The following MICAL2 variants were observed in gnomAD, a reference collection of about 807,000 sequenced individuals.
MICAL2 encodes [F-actin]-monooxygenase MICAL2.
A neutral mutation model predicts 127.3 loss-of-function variants in MICAL2; 77 were observed. The observed-to-expected ratio is 0.60, with a 90% CI of 0.50 to 0.73. The LOEUF is 0.73. Ranked by LOEUF, MICAL2 falls within the 30% of genes least tolerant of loss-of-function variation. MICAL2 has a pLI of 0.00. For synonymous variants in MICAL2, 570 were observed against 551.1 expected, an observed-to-expected ratio of 1.03 and a Z score of -0.48; for missense variants, 1,351 against 1,434.4, an observed-to-expected ratio of 0.94 and a Z score of 0.94.
intron 21 of MICAL2, among the ~76,000 whole-genome samples, chr11:12,247,207 T>C (rs1860875730): frequency 1.3e-5 from 2 of 152,208 alleles, no homozygotes; most frequent in South Asian, 4.1e-4. Flanking sequence ...GCTGTGTGCA[T>C]GTAAACCCTC....
intron 3 of MICAL2, among the ~76,000 whole-genome samples, chr11:12,195,164 G>T (rs1334629508): frequency 6.6e-6 from 1 of 152,114 alleles, no homozygotes; most frequent in East Asian, 1.9e-4. Context: ...GGTTGAGGTG[G>T]GAGGATCACT....
chr11:12,287,732 C>T (rs527568899), downstream of MICAL2, among the ~76,000 whole-genome samples: 101 of 152,298 alleles, frequency 6.6e-4, no homozygotes, highest in Non-Finnish European at 9.7e-4. Context: ...GGTGCTGAGG[C>T]GGCAGGCCCT....
At chr11:12,120,108 G>A (rs1187174974) in intron 1 of MICAL2, among the ~76,000 whole-genome samples, 2 of 152,144 alleles carry the variant, frequency 1.3e-5, no homozygotes, top group African/African-American at 4.8e-5. Flanking sequence ...AGCACTGGCT[G>A]GTCTCAGTCC....
chr11:12,323,682 A>C (rs1171097383), intron 30 of MICAL2, among the ~76,000 whole-genome samples: 2 of 152,226 alleles, frequency 1.3e-5, no homozygotes, highest in Non-Finnish European at 2.9e-5. Context: ...ACATGTGGCT[A>C]CTTAAGTTTA....
chr11:12,215,708 C>T (rs1466178969), intron 7 of MICAL2, among the ~76,000 whole-genome samples: 1 of 152,230 alleles, frequency 6.6e-6, no homozygotes, highest in Non-Finnish European at 1.5e-5. Context: ...ACAGCCCAGC[C>T]TTCTAACCTG....
chr11:12,190,207 G>A, intron 3 of MICAL2, among the ~76,000 whole-genome samples: 1 of 152,086 alleles, frequency 6.6e-6, no homozygotes, highest in East Asian at 1.9e-4. Context: ...GGGGCTCGCT[G>A]TTCTCTTACT....
Position 12,259,893 on chromosome 11 carries a change from C to A in MICAL2, c.3330C>A (p.Pro1110=). The stretch of plus-strand genomic sequence containing the variant: ...CCATTGGCACCCTGGAAGGCAGCCC[C>A]CCAGGTATCTCCACCTCCTTCTTTA... ...VAAIGTLEGS[P]PVHFSLPVLH... is the part of the protein sequence containing the mutation. Residue 1110 remains proline, a synonymous_variant, in exon 26 of 28, where the codon CCC becomes CCA. Transcript: ENST00000683283. 1 of 1,613,264 alleles carries A rather than the reference C, an allele frequency of 6.2e-7. No individual in the cohort carries two copies. Among genetic ancestry groups the A allele is most frequent in the Non-Finnish European group, 8.5e-7 (1 of 1,179,484 alleles).
At chr11:12,277,237 T>C (rs2172632) in intron 1 of MICAL2, among the ~76,000 whole-genome samples, 9,170 of 151,770 alleles carry the variant, frequency 0.06, 974 homozygotes, top group African/African-American at 0.21. Flanking sequence ...CAACTGGCAG[T>C]CCAGGCTTGT....
At chr11:12,337,653 G>A (rs948869306) in intron 32 of MICAL2, among the ~76,000 whole-genome samples, 141 of 151,970 alleles carry the variant, frequency 9.3e-4, no homozygotes, top group African/African-American at 3.2e-3. Context: ...GGTATGTTGT[G>A]TCTTTGTTCT....
intron 17 of MICAL2, 42 bp from the exon 18 acceptor site, chr11:12,240,998 T>C (rs1859846864): frequency 1.2e-6 from 2 of 1,606,220 alleles, no homozygotes; most frequent in Admixed American, 3.4e-5. Context: ...TTCCTTCATG[T>C]CTCCTGTGGC....
At chr11:12,275,139 G>T (rs575271535), upstream of MICAL2, among the ~76,000 whole-genome samples, 25 of 152,334 alleles carry the variant, frequency 1.6e-4, no homozygotes, top group Admixed American at 1.4e-3. Context: ...GTTGGCTGGA[G>T]CAACAGGAAG....
At chr11:12,210,550 T>G in intron 6 of MICAL2, among the ~76,000 whole-genome samples, 1 of 152,170 alleles carries the variant, frequency 6.6e-6, no homozygotes, top group Non-Finnish European at 1.5e-5. Context: ...TGCCACTCCC[T>G]TTTCCCTTTC....
At chr11:12,167,897 T>C (rs941009218) in intron 3 of MICAL2, among the ~76,000 whole-genome samples, 1 of 152,226 alleles carries the variant, frequency 6.6e-6, no homozygotes, top group Non-Finnish European at 1.5e-5. Context: ...CAATGTCATA[T>C]GGAGAAGAAA....
chr11:12,222,761 GC>G lies in MICAL2; in HGVS notation c.1449+19del, dbSNP rs1409016116. On this transcript the variant is annotated intron_variant, in intron 11 of 27. Coordinates refer to ENST00000683283, the MANE Select transcript of MICAL2 (RefSeq NM_001282663.2). ...CCCATCAGGCAAGTCCATTGCTGGG[GC>G]TCTGTCTGAATCACTCTGCACTGAA... 1 of 1,613,930 alleles carries G rather than the reference GC, an allele frequency of 6.2e-7. No homozygotes were observed. Among genetic ancestry groups the G allele is most frequent in the East Asian group, 2.2e-5 (1 of 44,868 alleles).
At chr11:12,240,131 T>C (rs1590569343) in intron 17 of MICAL2, among the ~76,000 whole-genome samples, 1 of 152,146 alleles carries the variant, frequency 6.6e-6, no homozygotes, top group Non-Finnish European at 1.5e-5. Context: ...ACCTCCCAGG[T>C]GTTTCCTGGC....
At chr11:12,349,636 C>G (rs1382925624) in intron 32 of MICAL2, among the ~76,000 whole-genome samples, 1 of 152,054 alleles carries the variant, frequency 6.6e-6, no homozygotes. Context: ...CAAGAAGACC[C>G]CCTCACACAC....
chr11:12,335,705 T>C (rs1010708242), intron 32 of MICAL2, among the ~76,000 whole-genome samples: 34 of 152,202 alleles, frequency 2.2e-4, no homozygotes, highest in Non-Finnish European at 8.8e-5. Flanking sequence ...ATTTATTAAA[T>C]AGGGAATCCT....
chr11:12,125,588 C>T (rs1850854439), intron 1 of MICAL2, among the ~76,000 whole-genome samples: 1 of 152,182 alleles, frequency 6.6e-6, no homozygotes, highest in African/African-American at 2.4e-5. Flanking sequence ...CTCTATCTCT[C>T]TGCCCTGTCC....
downstream of MICAL2, among the ~76,000 whole-genome samples, chr11:12,295,883 C>T (rs73422719): frequency 0.079 from 11,987 of 151,950 alleles, 613 homozygotes; most frequent in African/African-American, 0.13. Context: ...ATTTTACATA[C>T]GGTGTTGAAT....
Sources: allele counts gnomAD v4.1 joint callset (sites outside exome capture counted in the v4.1 genomes callset), GRCh38; gene constraint gnomAD v4.1.1; transcripts MANE v1.5; gene names NCBI Gene and HGNC (gene_info 2026-07-23, HGNC 2026-07-21).